CSMD2: variants seen among roughly 807,000 people sequenced by gnomAD.
The protein encoded by CSMD2 is CUB and Sushi multiple domains 2.
In CSMD2, 130 loss-of-function variants were observed where a neutral mutation model predicts 398.5. The observed-to-expected ratio is 0.33, with a 90% CI of 0.28 to 0.38. The LOEUF is 0.38. Among genes scored for constraint, CSMD2 ranks in the 10% least tolerant of loss-of-function variants. CSMD2 has a pLI of 1.00. For missense variants in CSMD2, 3,829 were observed against 4,764.9 expected (o/e 0.80, Z 5.78); for synonymous variants, 1,828 against 1,908.5 (o/e 0.96, Z 1.10).
At chr1:33,575,166 G>A (rs528250409) in intron 49 of CSMD2, among the ~76,000 whole-genome samples, 32 of 152,348 alleles carry the variant, frequency 2.1e-4, no homozygotes, top group African/African-American at 7.0e-4. Flanking sequence ...AAGTATTTGA[G>A]GCTTGTGGTG....
At chr1:33,716,552 C>T in intron 19 of CSMD2, 51 bp from the exon 20 acceptor site, 2 of 1,277,972 alleles carry the variant, frequency 1.6e-6, no homozygotes, top group African/African-American at 1.6e-5. Flanking sequence ...GGCTGGAGAA[C>T]CTCAGCTGCA....
intron 15 of CSMD2, among the ~76,000 whole-genome samples, chr1:33,732,562 GAGA>G (rs1646754863): frequency 6.6e-6 from 1 of 152,202 alleles, no homozygotes; most frequent in Non-Finnish European, 1.5e-5. Context: ...GATGCTTCAG[GAGA>G]AACCAGCCCT....
At chr1:33,531,665 A>G (rs1042227298) in intron 64 of CSMD2, among the ~76,000 whole-genome samples, 7 of 152,264 alleles carry the variant, frequency 4.6e-5, no homozygotes, top group Non-Finnish European at 1.0e-4. Flanking sequence ...CAGATGCCAC[A>G]ACATGGTTAA....
intron 3 of CSMD2, among the ~76,000 whole-genome samples, chr1:33,979,978 T>G (rs548596475): frequency 6.6e-6 from 1 of 152,290 alleles, no homozygotes; most frequent in Admixed American, 6.5e-5. Context: ...AAGTCTGGGT[T>G]CTGTGCCCGC....
At chr1:33,900,420 G>A (rs1414369499) in intron 5 of CSMD2, among the ~76,000 whole-genome samples, 3 of 152,118 alleles carry the variant, frequency 2.0e-5, no homozygotes, top group Admixed American at 6.5e-5. Flanking sequence ...TTTCTGGCTC[G>A]GACACTTACT....
chr1:33,700,465 T>C (rs1645574178), intron 23 of CSMD2, 52 bp downstream of exon 23: 4 of 1,591,602 alleles, frequency 2.5e-6, no homozygotes, highest in Non-Finnish European at 2.6e-6. Flanking sequence ...AATAAATGAA[T>C]AAAATGGGAA....
At chr1:34,088,919 T>C in intron 2 of CSMD2, 58 bp downstream of exon 2, 1 of 1,383,090 alleles carries the variant, frequency 7.2e-7, no homozygotes, top group Non-Finnish European at 1.0e-6. Context: ...ATCTTCCTCC[T>C]AGTGAGCTTG....
At chr1:33,702,579 T>C (rs1645645544) in intron 22 of CSMD2, among the ~76,000 whole-genome samples, 1 of 152,190 alleles carries the variant, frequency 6.6e-6, no homozygotes, top group Non-Finnish European at 1.5e-5. Context: ...TATGTTTTTA[T>C]AATTTTTTAT....
At chr1:33,829,175 T>C (rs911214) in intron 6 of CSMD2, among the ~76,000 whole-genome samples, 119,399 of 151,976 alleles carry the variant, frequency 0.79, 47,754 homozygotes, top group East Asian at 0.94. Context: ...GCAAGGGTTC[T>C]GCATACCAAC....
At chr1:33,883,520 C>T (rs1176067070) in intron 5 of CSMD2, among the ~76,000 whole-genome samples, 2 of 151,884 alleles carry the variant, frequency 1.3e-5, no homozygotes, top group South Asian at 2.1e-4. Flanking sequence ...CTAGTTGTAT[C>T]GAGATAGCCT....
intron 1 of CSMD2, among the ~76,000 whole-genome samples, chr1:34,096,210 AC>A (rs1459049357): frequency 5.3e-5 from 8 of 151,940 alleles, no homozygotes; most frequent in Non-Finnish European, 7.4e-5. Flanking sequence ...AAATTCAACA[AC>A]CCTTCATGCT....
intron 3 of CSMD2, among the ~76,000 whole-genome samples, chr1:33,986,332 C>A (rs1157114293): frequency 1.3e-5 from 2 of 152,186 alleles, no homozygotes; most frequent in Non-Finnish European, 2.9e-5. Flanking sequence ...AGGAAATCCT[C>A]CCTCCTTGGG....
At chr1:33,588,732 C>T (rs535217966) in intron 44 of CSMD2, among the ~76,000 whole-genome samples, 11 of 152,194 alleles carry the variant, frequency 7.2e-5, no homozygotes, top group Non-Finnish European at 1.2e-4. Context: ...ACATCCAGTG[C>T]GCCATGAAAT....
intron 2 of CSMD2, among the ~76,000 whole-genome samples, chr1:34,053,141 G>A (rs953500738): frequency 3.3e-5 from 5 of 152,036 alleles, no homozygotes; most frequent in South Asian, 2.1e-4. Context: ...CCCTTCCCAC[G>A]CCTTCTCTTG....
chr1:33,856,365 C>T (rs77735406), intron 5 of CSMD2, among the ~76,000 whole-genome samples: 3,144 of 152,284 alleles, frequency 0.021, 109 homozygotes, highest in African/African-American at 0.071. Flanking sequence ...CCATCAACTT[C>T]CCTCTTTCTC....
chr1:33,965,846 T>C (rs1283495890), intron 3 of CSMD2, among the ~76,000 whole-genome samples: 1 of 152,218 alleles, frequency 6.6e-6, no homozygotes, highest in Non-Finnish European at 1.5e-5. Context: ...TGAATGCGGA[T>C]AGCCACATTA....
intron 2 of CSMD2, among the ~76,000 whole-genome samples, chr1:34,077,983 T>G (rs1159662815): frequency 1.3e-5 from 2 of 152,172 alleles, no homozygotes; most frequent in African/African-American, 4.8e-5. Flanking sequence ...TTGCAAAACT[T>G]GTACTCATGA....
At chr1:33,846,835 C>A in intron 6 of CSMD2, 49 bp downstream of exon 6, 1 of 1,269,494 alleles carries the variant, frequency 7.9e-7, no homozygotes. Context: ...CTCCAGGTGT[C>A]ATCTCTGCTG....
chr1:33,639,112 TCA>T (rs1642968761), intron 29 of CSMD2, among the ~76,000 whole-genome samples: 1 of 152,212 alleles, frequency 6.6e-6, no homozygotes, highest in Admixed American at 6.5e-5. Flanking sequence ...CCTCCTTCTC[TCA>T]GTCTGGAACT....
Sources: gnomAD v4.1 joint callset for allele counts (sites outside exome capture counted in the v4.1 genomes callset) on GRCh38, gnomAD v4.1.1 for gene constraint, MANE v1.5 for transcripts, NCBI Gene and HGNC (gene_info 2026-07-23, HGNC 2026-07-21) for gene names.